Variants in SMPD3 observed in about 807,000 individuals in gnomAD.
SMPD3 encodes nSMase-2.
A neutral mutation model predicts 55.7 loss-of-function variants in SMPD3; 21 were observed. That is an observed-to-expected ratio of 0.38 (90% CI 0.27 to 0.54). The LOEUF (loss-of-function observed/expected upper bound fraction) is 0.54. Among genes scored for constraint, SMPD3 ranks in the 20% least tolerant of loss-of-function variants. SMPD3 has a pLI of 0.80. For synonymous variants in SMPD3, 457 were observed against 404.3 expected (o/e 1.13, Z -1.56); for missense variants, 842 against 899.6 (o/e 0.94, Z 0.82).
At chr16:68,361,363 C>A in intron 8 of SMPD3, 56 bp from the exon 9 acceptor site, 1 of 1,545,334 alleles carries the variant, frequency 6.5e-7, no homozygotes, top group Non-Finnish European at 8.8e-7. Context: ...GGGCATCTTG[C>A]AGGGAGCGGC....
rs1488984075 is a variant in SMPD3, at chr16:68,404,630, A to C, written c.-268-17971T>G. On this transcript the variant is annotated intron_variant, in intron 1 of 8. Coordinates refer to ENST00000219334, the MANE Select transcript of SMPD3 (RefSeq NM_018667.4). This position sits in a 1 kb window ranked among gnomAD's most constrained non-coding sequence, Gnocchi z 4.0. ...TGAAGGGACTTGTCAGGGGTTCCCC[A>C]GGTAGGAAATAGGGGTCACCTGTGC... Among the ~76,000 whole-genome samples the C allele has an allele frequency of 2.0e-5, 3 of 152,180 alleles. No individual in the cohort carries two copies. Among genetic ancestry groups the C allele is most frequent in the Non-Finnish European group, 4.4e-5 (3 of 68,008 alleles).
At position 68,365,107 on chromosome 16, in the gene SMPD3, G is replaced by A. The variant is rs201935525; in HGVS notation, c.1324-15C>T. On this transcript the variant is annotated splice_polypyrimidine_tract_variant and intron_variant, in intron 3 of 8. Transcript: ENST00000219334. Reference sequence around the variant, plus strand: ...CCCACCTGCACCTGGGGGAGGAGGGGGTCAGTGCTGCCACCTGCCAGTCAC... The same window carrying A: ...CCCACCTGCACCTGGGGGAGGAGGGAGTCAGTGCTGCCACCTGCCAGTCAC... The A allele has an allele frequency of 1.6e-3, 2,513 of 1,613,554 alleles. 15 individuals carry two copies. The highest frequency in any genetic ancestry group is 8.3e-3 in the South Asian group (752 of 91,050).
intron 1 of SMPD3, among the ~76,000 whole-genome samples, chr16:68,422,993 C>T (rs2090407535): frequency 6.6e-6 from 1 of 152,122 alleles, no homozygotes. Flanking sequence ...TTCCACAGTT[C>T]TCAGCGGGGG....
chr16:68,381,961 T>C (rs973501140), intron 2 of SMPD3: 4 of 152,188 alleles, frequency 2.6e-5, no homozygotes, highest in Non-Finnish European at 2.9e-5. Context: ...GAAACAATAA[T>C]GATGTTCCTT....
intron 1 of SMPD3, among the ~76,000 whole-genome samples, chr16:68,426,215 A>G (rs895174630): frequency 1.3e-5 from 2 of 152,244 alleles, no homozygotes; most frequent in South Asian, 4.1e-4. Flanking sequence ...TGAACGGAGA[A>G]TCTACTAAGG....
Position 68,361,746 on chromosome 16 carries a change from C to T in SMPD3, c.1723G>A (p.Glu575Lys), listed in dbSNP as rs1485573879. Residue 575 changes from glutamate (E) to lysine (K), a missense_variant, in exon 8 of 9, where the codon GAG (glutamate) becomes AAG (lysine). Coordinates refer to ENST00000219334, the MANE Select transcript of SMPD3 (RefSeq NM_018667.4). ...GCCAGGTACTCCCTGCGGCCCTCCTCACTCTCCAGGACCCTGTCCACACAT... is the reference window on the plus strand; with the variant it reads ...GCCAGGTACTCCCTGCGGCCCTCCTTACTCTCCAGGACCCTGTCCACACAT... Reference protein sequence around the residue: ...PDNLQKVLESEEGRREYLAFP... With the variant: ...PDNLQKVLESKEGRREYLAFP... The T allele has an allele frequency of 6.2e-7, 1 of 1,612,434 alleles. No homozygotes were observed. The highest frequency in any genetic ancestry group is 1.3e-5 in the African/African-American group (1 of 74,940).
chr16:68,433,527 A>T (rs2090496830), intron 1 of SMPD3, among the ~76,000 whole-genome samples: 1 of 152,238 alleles, frequency 6.6e-6, no homozygotes, highest in Non-Finnish European at 1.5e-5. Context: ...GGGCGAGGTC[A>T]CCAGGGCATG....
rs1814690187 is a variant in SMPD3, at chr16:68,359,685, G to C, written c.*1521C>G. 1 of 152,664 alleles carries C rather than the reference G, an allele frequency of 6.6e-6. No individual in the cohort carries two copies. The highest frequency in any genetic ancestry group is 1.5e-5 in the Non-Finnish European group (1 of 68,084). 9.5% of individuals were successfully genotyped at this position (152,664 alleles called of 1,614,324 possible). On this transcript the variant is annotated 3_prime_UTR_variant, in exon 9 of 9. Coordinates refer to ENST00000219334, the MANE Select transcript of SMPD3 (RefSeq NM_018667.4). ...CCAGGCAAAGCCGGCCCTGGGCCAG[G>C]CTGGGTGTAGGGCCAGGGCGCCACG...
chr16:68,397,419 A>G (rs1025168170), intron 1 of SMPD3, among the ~76,000 whole-genome samples: 3 of 152,198 alleles, frequency 2.0e-5, no homozygotes, highest in African/African-American at 7.2e-5. Context: ...GGAACCAGGT[A>G]GAGTTCTGCT....
chr16:68,361,644 T>G lies in SMPD3; in HGVS notation c.1825A>C (p.Met609Leu). 1 of 1,611,434 alleles carries G rather than the reference T, an allele frequency of 6.2e-7. No homozygotes were observed. ...LKGNGRRIDY[M>L]LHAEEGLCPD... Reference sequence around the variant, plus strand: ...CACAGCCCCTCCTCTGCATGCAGCATGTAGTCGATGCGCCGGCCGTTGCCC... The same window carrying G: ...CACAGCCCCTCCTCTGCATGCAGCAGGTAGTCGATGCGCCGGCCGTTGCCC... Residue 609 changes from methionine to leucine, a missense_variant, in exon 8 of 9, where the codon ATG (methionine) becomes CTG (leucine). Met to Leu is a conservative substitution (Grantham distance 15, BLOSUM62 2). Transcript: ENST00000219334.
chr16:68,365,206 T>A, intron 3 of SMPD3, 114 bp from the exon 4 acceptor site: 4 of 1,068,476 alleles, frequency 3.7e-6, no homozygotes, highest in Non-Finnish European at 5.6e-6. Flanking sequence ...GCCTGGCTCC[T>A]GGCTGGATTC....
chr16:68,392,468 A>T (rs1316372487), intron 1 of SMPD3, among the ~76,000 whole-genome samples: 2 of 152,192 alleles, frequency 1.3e-5, no homozygotes, highest in African/African-American at 4.8e-5. Flanking sequence ...GAATGGGCAT[A>T]TAGGGATGTA....
intron 1 of SMPD3, among the ~76,000 whole-genome samples, chr16:68,415,242 T>C (rs1232297588): frequency 6.6e-6 from 1 of 152,138 alleles, no homozygotes; most frequent in Non-Finnish European, 1.5e-5. Context: ...AAGAAGCTCC[T>C]GGAGTCCCTG....
intron 1 of SMPD3, among the ~76,000 whole-genome samples, chr16:68,411,246 G>T (rs1157889740): frequency 6.6e-6 from 1 of 152,264 alleles, no homozygotes; most frequent in Non-Finnish European, 1.5e-5. Context: ...CCTCAGTCCA[G>T]TGATCACAGA....
At chr16:68,377,396 G>C (rs1457050369) in intron 2 of SMPD3, among the ~76,000 whole-genome samples, 3 of 152,252 alleles carry the variant, frequency 2.0e-5, no homozygotes, top group Non-Finnish European at 4.4e-5. Context: ...GTGGGTGTGT[G>C]GCATTGACAG....
At chr16:68,396,480 TG>T (rs1205340164) in intron 1 of SMPD3, among the ~76,000 whole-genome samples, 2 of 152,196 alleles carry the variant, frequency 1.3e-5, no homozygotes, top group South Asian at 2.1e-4. Context: ...CTGTACCCTG[TG>T]TCTGGAACAC....
intron 2 of SMPD3, among the ~76,000 whole-genome samples, chr16:68,374,731 C>A (rs1040540261): frequency 1.3e-5 from 2 of 152,202 alleles, no homozygotes; most frequent in Non-Finnish European, 2.9e-5. Context: ...AGGGTTCCCC[C>A]CCAGCAAACC....
At chr16:68,369,719 C>T (rs2089595453) in intron 3 of SMPD3, 2 of 152,278 alleles carry the variant, frequency 1.3e-5, no homozygotes, top group South Asian at 4.1e-4. Context: ...AGGACCCAAA[C>T]TCTGGGCCTG....
chr16:68,375,025 G>A (rs191030271), intron 2 of SMPD3, among the ~76,000 whole-genome samples: 1 of 152,274 alleles, frequency 6.6e-6, no homozygotes, highest in African/African-American at 2.4e-5. Flanking sequence ...CATGAAGCAG[G>A]CCCATTCCTG....
Sources: allele counts gnomAD v4.1 joint callset (sites outside exome capture counted in the v4.1 genomes callset), GRCh38; gene constraint gnomAD v4.1.1; non-coding constraint Gnocchi (gnomAD v3.1); transcripts MANE v1.5; gene names NCBI Gene and HGNC (gene_info 2026-07-23, HGNC 2026-07-21).